The following B3GAT2 variants were observed in gnomAD, a reference collection of about 807,000 sequenced individuals.
The protein encoded by B3GAT2 is galactosylgalactosylxylosylprotein 3-beta-glucuronosyltransferase 2.
In B3GAT2, 26 loss-of-function variants were observed where a neutral mutation model predicts 27.8. The observed-to-expected ratio is 0.93, with a 90% confidence interval of 0.68 to 1.30. B3GAT2 has a LOEUF of 1.30. B3GAT2 is among the 50% of genes most tolerant of loss of function. The pLI, the probability that B3GAT2 is intolerant of heterozygous loss-of-function variation, is 0.00. For synonymous variants in B3GAT2, 218 were observed against 195.1 expected (o/e 1.12, Z -0.98); for missense variants, 458 against 459.0 (o/e 1.00, Z 0.02).
At chr6:70,910,406 T>C (rs1204779937) in intron 1 of B3GAT2, among the ~76,000 whole-genome samples, 6 of 152,224 alleles carry the variant, frequency 3.9e-5, no homozygotes, top group East Asian at 1.9e-4. Context: ...CTTCCACTTA[T>C]AAGTTAGAAC....
chr6:70,859,333 T>G lies in B3GAT2; in HGVS notation c.*2330A>C. ...AATACTGGCTCTTACTTCCAGATAA[T>G]GCAGAAGGGTGATGCTGTTCTCCAG... is the stretch of plus-strand genomic sequence containing the variant. On this transcript the variant is annotated 3_prime_UTR_variant, in exon 4 of 4. Coordinates refer to ENST00000230053, the MANE Select transcript of B3GAT2 (RefSeq NM_080742.3). 1.3e-6 allele frequency: 2 copies of G among 1,547,722 alleles called. No individual in the cohort carries two copies. The highest frequency in any genetic ancestry group is 1.7e-4 in the Middle Eastern group (1 of 5,968).
intron 1 of B3GAT2, among the ~76,000 whole-genome samples, chr6:70,946,381 A>G (rs1266519359): frequency 6.5e-4 from 98 of 151,896 alleles, no homozygotes; most frequent in African/African-American, 2.0e-3. Context: ...AAAGGATGGA[A>G]GAAGATCTAC....
chr6:70,897,087 C>T (rs1772399529), intron 1 of B3GAT2, among the ~76,000 whole-genome samples: 1 of 152,178 alleles, frequency 6.6e-6, no homozygotes, highest in South Asian at 2.1e-4. Flanking sequence ...TGTCGATCTT[C>T]AATTTCAGTA....
At chr6:70,905,098 T>C (rs1772576794) in intron 1 of B3GAT2, among the ~76,000 whole-genome samples, 2 of 152,218 alleles carry the variant, frequency 1.3e-5, no homozygotes, top group South Asian at 4.1e-4. Flanking sequence ...TTGTGTGAAC[T>C]TATCATAGCC....
In B3GAT2 at chr6:70,949,132, G is replaced by A. The variant is rs527387420; in HGVS notation, c.591+6707C>T. 7.2e-5 allele frequency among the ~76,000 whole-genome samples: 11 copies of A among 152,104 alleles called. 1 individual carries two copies. The South Asian group carries it at 2.3e-3, about 32-fold the overall frequency. ...AGAAAACCTAGGCATTACCATTCAGGACATAGGCATGGGCAAGGACTTCAT... is the reference window on the plus strand; with the variant it reads ...AGAAAACCTAGGCATTACCATTCAGAACATAGGCATGGGCAAGGACTTCAT... On this transcript the variant is annotated intron_variant, in intron 1 of 3. Transcript: ENST00000230053.
At chr6:70,948,932 C>G (rs1388437855) in intron 1 of B3GAT2, among the ~76,000 whole-genome samples, 1 of 151,864 alleles carries the variant, frequency 6.6e-6, no homozygotes, top group African/African-American at 2.4e-5. Context: ...TGATCTTTGA[C>G]AAACCTGAGA....
chr6:70,891,783 T>G (rs1772293398), intron 2 of B3GAT2, among the ~76,000 whole-genome samples: 1 of 151,754 alleles, frequency 6.6e-6, no homozygotes, highest in African/African-American at 2.4e-5. Flanking sequence ...TGTGTGTGTG[T>G]GTACATGTAA....
intron 1 of B3GAT2, among the ~76,000 whole-genome samples, chr6:70,947,577 T>A (rs1474889816): frequency 6.6e-6 from 1 of 151,682 alleles, no homozygotes; most frequent in Non-Finnish European, 1.5e-5. Flanking sequence ...TCTGAAATTG[T>A]GGGAATAATC....
chr6:70,939,441 T>C (rs551714341), intron 1 of B3GAT2, among the ~76,000 whole-genome samples: 735 of 151,120 alleles, frequency 4.9e-3, no homozygotes, highest in Non-Finnish European at 7.8e-3. Context: ...TAAAGACACA[T>C]GCACATGTAT....
At chr6:70,931,005 T>TA (rs1334981986) in intron 1 of B3GAT2, among the ~76,000 whole-genome samples, 3 of 152,016 alleles carry the variant, frequency 2.0e-5, no homozygotes, top group Non-Finnish European at 4.4e-5. Context: ...TATGCAGCCA[T>TA]AAAAAAGAGT....
chr6:70,956,193 C>T lies in B3GAT2; in HGVS notation c.237G>A (p.Leu79=). Reference sequence around the variant, plus strand: ...TGGGCGTGATGGCATAGATGGTGGGCAGCTGCGGCTCCGGCTGTGGCTGCG... The same window carrying T: ...TGGGCGTGATGGCATAGATGGTGGGTAGCTGCGGCTCCGGCTGTGGCTGCG... ...SRPQPQPEPQ[L]PTIYAITPTY... Residue 79 remains leucine (L), a synonymous_variant, in exon 1 of 4, where the codon CTG becomes CTA. Coordinates refer to ENST00000230053, the MANE Select transcript of B3GAT2 (RefSeq NM_080742.3). The T allele has an allele frequency of 6.2e-7, 1 of 1,611,638 alleles. No homozygotes were observed. Among genetic ancestry groups the T allele is most frequent in the South Asian group, 1.1e-5 (1 of 90,782 alleles).
chr6:70,897,932 G>A (rs1324193436), intron 1 of B3GAT2, among the ~76,000 whole-genome samples: 1 of 152,010 alleles, frequency 6.6e-6, no homozygotes, highest in Non-Finnish European at 1.5e-5. Context: ...ATATGTATGG[G>A]TTTATTTCTG....
chr6:70,858,858 A>C lies in B3GAT2; in HGVS notation c.*2805T>G, dbSNP rs529634622. The C allele has an allele frequency of 6.5e-6, 1 of 153,152 alleles. No individual in the cohort carries two copies. Among genetic ancestry groups the C allele is most frequent in the South Asian group, 2.1e-4 (1 of 4,850 alleles). 9.5% of individuals were successfully genotyped at this position (153,152 alleles called of 1,614,324 possible). A position where few individuals can be genotyped will look rare whatever the true frequency, so the allele number is the denominator to read the frequency against. ...AGTACAAAAAGATTCAATTCCCATA[A>C]GGTGTGAACCAGACATCCCCTCATA... is the stretch of plus-strand genomic sequence containing the variant. On this transcript the variant is annotated 3_prime_UTR_variant, in exon 4 of 4. Coordinates refer to ENST00000230053, the MANE Select transcript of B3GAT2 (RefSeq NM_080742.3).
Position 70,860,494 on chromosome 6 carries a change from T to C in B3GAT2, c.*1169A>G. ...CCGTGTTGGTCTGTACTGATTCAATTTGATGTGGTGAAAAGCAGGTTGATA... is the reference window on the plus strand; with the variant it reads ...CCGTGTTGGTCTGTACTGATTCAATCTGATGTGGTGAAAAGCAGGTTGATA... On this transcript the variant is annotated 3_prime_UTR_variant, in exon 4 of 4. Transcript: ENST00000230053. 4 of 717,368 alleles carry C rather than the reference T, an allele frequency of 5.6e-6. No individual in the cohort carries two copies. Among genetic ancestry groups the C allele is most frequent in the Non-Finnish European group, 8.0e-6 (4 of 500,446 alleles). The allele number at this position is 717,368 out of a possible 1,614,324, so 44.4% of individuals were successfully genotyped here.
intron 2 of B3GAT2, among the ~76,000 whole-genome samples, chr6:70,864,307 G>C (rs1023967981): frequency 6.6e-6 from 1 of 152,144 alleles, no homozygotes; most frequent in African/African-American, 2.4e-5. Flanking sequence ...GAAGGATTCA[G>C]ATTCTTTTGT....
chr6:70,951,013 T>G (rs567540965), intron 1 of B3GAT2, among the ~76,000 whole-genome samples: 1 of 152,326 alleles, frequency 6.6e-6, no homozygotes, highest in South Asian at 2.1e-4. Flanking sequence ...TCTATCTATG[T>G]ACTGGTATAA....
Position 70,956,628 on chromosome 6 carries a change from A to G in B3GAT2, c.-199T>C. ...GAGGAGCGGCAGGTTCGCGCAAGCTAGAGCGACAAGGGGTGCAGGCGGGCG... is the reference window on the plus strand; with the variant it reads ...GAGGAGCGGCAGGTTCGCGCAAGCTGGAGCGACAAGGGGTGCAGGCGGGCG... On this transcript the variant is annotated 5_prime_UTR_variant, in exon 1 of 4. Transcript: ENST00000230053. 1 of 1,419,206 alleles carries G rather than the reference A, an allele frequency of 7.0e-7. No homozygotes were observed. 87.9% of individuals were successfully genotyped at this position (1,419,206 alleles called of 1,614,324 possible).
chr6:70,865,527 CT>C (rs1354179753), intron 2 of B3GAT2, among the ~76,000 whole-genome samples: 1 of 152,126 alleles, frequency 6.6e-6, no homozygotes, highest in African/African-American at 2.4e-5. Context: ...GAGGATCTGC[CT>C]AGGTTATATG....
chr6:70,876,300 A>T (rs780001106), intron 2 of B3GAT2, among the ~76,000 whole-genome samples: 5 of 152,196 alleles, frequency 3.3e-5, no homozygotes, highest in Non-Finnish European at 7.3e-5. Context: ...AAGCTATTAC[A>T]TCACCTCCTA....
Sources: allele counts gnomAD v4.1 joint callset (sites outside exome capture counted in the v4.1 genomes callset), GRCh38; gene constraint gnomAD v4.1.1; transcripts MANE v1.5; gene names NCBI Gene and HGNC (gene_info 2026-07-23, HGNC 2026-07-21).